The following LRP1B variants were observed in gnomAD, a reference collection of about 807,000 sequenced individuals.
The protein encoded by LRP1B is low-density lipoprotein receptor-related protein 1B.
In LRP1B, 217 loss-of-function variants were observed where a neutral mutation model predicts 556.6. The ratio of observed to expected loss-of-function variants is 0.39; its 90% CI spans 0.35 to 0.44. The LOEUF is 0.44. LRP1B is among the 20% of genes least tolerant of loss of function. The probability of loss-of-function intolerance (pLI) is 1.00; values close to 1 mark genes in which losing one functional copy is unlikely to be tolerated. For synonymous variants in LRP1B, 2,047 were observed against 1,865.8 expected, an observed-to-expected ratio of 1.10 and a Z score of -2.50; for missense variants, 5,053 against 5,620.8, an observed-to-expected ratio of 0.90 and a Z score of 3.23.
In LRP1B at chr2:141,546,085, C is replaced by G. The variant is rs561158274; in HGVS notation, c.206-65552G>C. The stretch of plus-strand genomic sequence containing the variant: ...CCTCCTCCTAGATCTACCACTCCAG[C>G]CCCCAAACCTAGGTAAGTTCTACTC... On this transcript the variant is annotated intron_variant, in intron 2 of 90. Coordinates refer to ENST00000389484, the MANE Select transcript of LRP1B (RefSeq NM_018557.3). 2.6e-5 allele frequency among the ~76,000 whole-genome samples: 4 copies of G among 152,244 alleles called. No homozygotes were observed. The South Asian group carries it at 8.3e-4, about 32-fold the overall frequency.
intron 1 of LRP1B, among the ~76,000 whole-genome samples, chr2:142,091,254 C>G (rs567860306): frequency 1.3e-5 from 2 of 152,200 alleles, no homozygotes; most frequent in South Asian, 4.1e-4. Context: ...TTACATGCTG[C>G]AGCTGAAGTG....
At chr2:140,884,360 C>T (rs2380943) in intron 24 of LRP1B, among the ~76,000 whole-genome samples, 71,283 of 151,926 alleles carry the variant, frequency 0.47, 18,226 homozygotes, top group South Asian at 0.6. Context: ...ATTTTGGAAA[C>T]AATAATGATA....
chr2:140,452,248 T>G (rs1686915722), intron 62 of LRP1B, among the ~76,000 whole-genome samples: 1 of 152,146 alleles, frequency 6.6e-6, no homozygotes, highest in Admixed American at 6.5e-5. Flanking sequence ...CTCAGTTAGT[T>G]TATGTTTTAG....
intron 1 of LRP1B, among the ~76,000 whole-genome samples, chr2:142,014,364 A>T (rs538094355): frequency 6.6e-6 from 1 of 152,274 alleles, no homozygotes; most frequent in Non-Finnish European, 1.5e-5. Context: ...AATTCTAATT[A>T]ACATCCATTT....
intron 1 of LRP1B, among the ~76,000 whole-genome samples, chr2:142,125,114 AT>A (rs1328880863): frequency 6.6e-6 from 1 of 151,806 alleles, no homozygotes; most frequent in Non-Finnish European, 1.5e-5. Flanking sequence ...TACATAATAC[AT>A]ACTTTCTAAC....
intron 3 of LRP1B, among the ~76,000 whole-genome samples, chr2:141,407,971 A>G (rs79346103): frequency 0.04 from 6,086 of 152,142 alleles, 165 homozygotes; most frequent in South Asian, 0.094. Context: ...AGAATATAAC[A>G]TCCATATAAC....
At chr2:141,827,601 C>G (rs1696982157) in intron 1 of LRP1B, among the ~76,000 whole-genome samples, 1 of 151,964 alleles carries the variant, frequency 6.6e-6, no homozygotes, top group Admixed American at 6.6e-5. Flanking sequence ...ATTATATAGC[C>G]AGTATTTAGA....
At chr2:142,129,596 C>G (rs1002515107) in intron 1 of LRP1B, among the ~76,000 whole-genome samples, 1 of 59,420 alleles carries the variant, frequency 1.7e-5, no homozygotes. Flanking sequence ...CTCTCTCTCT[C>G]TCTCTCTCTC....
chr2:140,734,111 T>C (rs1227228155), intron 35 of LRP1B, among the ~76,000 whole-genome samples: 1 of 152,194 alleles, frequency 6.6e-6, no homozygotes, highest in Non-Finnish European at 1.5e-5. Flanking sequence ...AAACAGACTC[T>C]TATTGAGTAT....
In LRP1B at chr2:141,021,854, C is replaced by T. The variant is rs568456710; in HGVS notation, c.1790-1752G>A. 2.0e-5 allele frequency among the ~76,000 whole-genome samples: 3 copies of T among 152,068 alleles called. No homozygotes were observed. The South Asian group carries it at 6.2e-4, about 32-fold the overall frequency. ...TATCTCATAGGATGATTACAAAGGGCAAGCTATTAATAGCTACTGCATGTA... is the reference window on the plus strand; with the variant it reads ...TATCTCATAGGATGATTACAAAGGGTAAGCTATTAATAGCTACTGCATGTA... On this transcript the variant is annotated intron_variant, in intron 11 of 90. Coordinates refer to ENST00000389484, the MANE Select transcript of LRP1B (RefSeq NM_018557.3).
chr2:140,863,961 G>A (rs765845587), intron 27 of LRP1B, among the ~76,000 whole-genome samples: 8 of 151,600 alleles, frequency 5.3e-5, no homozygotes, highest in Admixed American at 4.6e-4. Flanking sequence ...AATTCCAAGA[G>A]GAATATATGT....
rs17543758 is a variant in LRP1B, at chr2:141,322,603, G to A, written c.344-67962C>T. ...AATTAAGAATCTCTCTCTTTGCTGT[G>A]AGACTTGAGAGATGACGTATTTTCC... is the stretch of plus-strand genomic sequence containing the variant. On this transcript the variant is annotated intron_variant, in intron 3 of 90. Transcript: ENST00000389484. Among the ~76,000 whole-genome samples the A allele has an allele frequency of 6.1e-3, 929 of 152,086 alleles. 3 individuals carry two copies. The highest frequency in any genetic ancestry group is 0.01 in the Non-Finnish European group (702 of 67,942).
intron 41 of LRP1B, among the ~76,000 whole-genome samples, chr2:140,620,425 G>A (rs1013914719): frequency 2.0e-5 from 3 of 152,162 alleles, no homozygotes; most frequent in Non-Finnish European, 4.4e-5. Context: ...CAGAAGGTCT[G>A]TATATATGTT....
At chr2:140,413,100 A>G (rs1376167812) in intron 66 of LRP1B, among the ~76,000 whole-genome samples, 1 of 152,182 alleles carries the variant, frequency 6.6e-6, no homozygotes, top group Non-Finnish European at 1.5e-5. Context: ...TATAAAGTAT[A>G]AAAGTAGTAG....
intron 2 of LRP1B, among the ~76,000 whole-genome samples, chr2:141,494,043 G>T (rs1291049829): frequency 1.3e-5 from 2 of 151,954 alleles, no homozygotes; most frequent in East Asian, 3.9e-4. Flanking sequence ...TTTCTCTTTG[G>T]TGGGCCATCT....
At chr2:140,971,790 C>T (rs1161788185) in intron 18 of LRP1B, among the ~76,000 whole-genome samples, 1 of 152,126 alleles carries the variant, frequency 6.6e-6, no homozygotes, top group African/African-American at 2.4e-5. Flanking sequence ...GCCGAGATGG[C>T]GCCACTGCGC....
At chr2:140,767,063 A>G (rs1689146728) in intron 35 of LRP1B, among the ~76,000 whole-genome samples, 1 of 151,676 alleles carries the variant, frequency 6.6e-6, no homozygotes, top group Non-Finnish European at 1.5e-5. Context: ...TCACAAAGCT[A>G]CTAGTGGTTG....
intron 66 of LRP1B, among the ~76,000 whole-genome samples, chr2:140,441,269 T>A (rs1474156244): frequency 6.6e-6 from 1 of 152,210 alleles, no homozygotes; most frequent in African/African-American, 2.4e-5. Context: ...CAAGTCATTA[T>A]TCCACTTTGG....
intron 63 of LRP1B, 88 bp downstream of exon 63, chr2:140,450,480 G>A (rs1310503245): frequency 6.3e-6 from 6 of 956,884 alleles, no homozygotes; most frequent in Non-Finnish European, 8.2e-6. Context: ...GTGTCAGAAG[G>A]CAATACTTTA....
Sources: allele counts gnomAD v4.1 joint callset (sites outside exome capture counted in the v4.1 genomes callset), GRCh38; gene constraint gnomAD v4.1.1; transcripts MANE v1.5; gene names NCBI Gene and HGNC (gene_info 2026-07-23, HGNC 2026-07-21).